The following UTS2B variants were observed in gnomAD, a reference collection of about 807,000 sequenced individuals.
UTS2B encodes urotensin-2B.
Under a neutral mutation model 19.2 loss-of-function variants are expected in UTS2B, and 21 were observed. The observed-to-expected ratio is 1.09, with a 90% CI of 0.78 to 1.58. UTS2B has a LOEUF of 1.58. Ranked by LOEUF, UTS2B falls within the 40% of genes most tolerant of loss-of-function variation. The pLI is 0.00. For missense variants in UTS2B, 138 were observed against 130.3 expected (o/e 1.06, Z -0.29); for synonymous variants, 57 against 50.2 (o/e 1.14, Z -0.58).
At chr3:191,308,177 C>T (rs1229429688) in intron 3 of UTS2B, among the ~76,000 whole-genome samples, 1 of 152,148 alleles carries the variant, frequency 6.6e-6, no homozygotes, top group African/African-American at 2.4e-5. Context: ...AATAGTTGGG[C>T]CTTTATCACA....
chr3:191,268,766 C>CAGTCTAG (rs1716010207), intron 8 of UTS2B, among the ~76,000 whole-genome samples: 1 of 152,160 alleles, frequency 6.6e-6, no homozygotes, highest in African/African-American at 2.4e-5. Flanking sequence ...ACATATAATA[C>CAGTCTAG]AGTCTAGAGA....
At chr3:191,300,375 T>A (rs1315574769) in intron 4 of UTS2B, among the ~76,000 whole-genome samples, 2 of 152,226 alleles carry the variant, frequency 1.3e-5, no homozygotes, top group African/African-American at 2.4e-5. Context: ...GGCCAATTTA[T>A]CCCTTTTGGA....
chr3:191,340,732 C>CAT, the UTS2B span, among the ~76,000 whole-genome samples: 1 of 152,194 alleles, frequency 6.6e-6, no homozygotes, highest in African/African-American at 2.4e-5. Flanking sequence ...GTATAGGAAA[C>CAT]ATATTCTCCC....
chr3:191,328,626 C>T lies in UTS2B; in HGVS notation c.-586+5G>A, dbSNP rs184641440. 14 of 152,344 alleles carry T rather than the reference C, an allele frequency of 9.2e-5. No homozygotes were observed. Among genetic ancestry groups the T allele is most frequent in the African/African-American group, 2.6e-4 (11 of 41,546 alleles). The allele number at this position is 152,344 out of a possible 1,614,324, so 9.4% of individuals were successfully genotyped here. A position where few individuals can be genotyped will look rare whatever the true frequency, so the allele number is the denominator to read the frequency against. On this transcript the variant is annotated splice_donor_5th_base_variant and intron_variant, in intron 2 of 8. Transcript: ENST00000340524. ...ACATGGCACACGTTTGGGAGAGAAG[C>T]TCACCTCTGAGGAGTGGGGAAAGAG...
intron 4 of UTS2B, among the ~76,000 whole-genome samples, chr3:191,289,427 T>TAAAC: frequency 7.0e-6 from 1 of 143,668 alleles, no homozygotes; most frequent in East Asian, 2.0e-4. Flanking sequence ...AATAAATAAA[T>TAAAC]AAATAAATAA....
chr3:191,329,942 TGGGGG>T (rs34226642), intron 1 of UTS2B, among the ~76,000 whole-genome samples: 1 of 102,958 alleles, frequency 9.7e-6, no homozygotes, highest in Middle Eastern at 4.8e-3. Context: ...AGGGGGTGGT[TGGGGG>T]GGGGGGGGGC....
chr3:191,282,783 T>C (rs1353821159), intron 4 of UTS2B, among the ~76,000 whole-genome samples: 1 of 152,192 alleles, frequency 6.6e-6, no homozygotes, highest in Non-Finnish European at 1.5e-5. Flanking sequence ...AAATGAATCA[T>C]AATGGGATCA....
chr3:191,310,923 G>T (rs1717285171), intron 3 of UTS2B, among the ~76,000 whole-genome samples: 1 of 152,044 alleles, frequency 6.6e-6, no homozygotes, highest in South Asian at 2.1e-4. Context: ...TTATCTTTAG[G>T]GTCAAGACGT....
chr3:191,300,072 C>A (rs1042977569), intron 4 of UTS2B, among the ~76,000 whole-genome samples: 1 of 151,090 alleles, frequency 6.6e-6, no homozygotes, highest in African/African-American at 2.4e-5. Flanking sequence ...TTCTTTGACA[C>A]GGAGTTTTCG....
At chr3:191,275,405 G>C in intron 7 of UTS2B, 60 bp from the exon 8 acceptor site, 2 of 1,421,486 alleles carry the variant, frequency 1.4e-6, no homozygotes, top group South Asian at 1.2e-5. Context: ...TGTTGACCGG[G>C]CGCGGTGGCT....
the UTS2B span, among the ~76,000 whole-genome samples, chr3:191,341,352 A>G: frequency 6.6e-6 from 1 of 152,140 alleles, no homozygotes. Flanking sequence ...AGTCCTCACA[A>G]CATTTATCCT....
chr3:191,345,054 G>T, the UTS2B span, among the ~76,000 whole-genome samples: 1 of 152,124 alleles, frequency 6.6e-6, no homozygotes. Flanking sequence ...AATTTGATGG[G>T]CACTCAGAAT....
chr3:191,276,924 T>C, intron 6 of UTS2B, 80 bp from the exon 7 acceptor site: 1 of 1,292,006 alleles, frequency 7.7e-7, no homozygotes, highest in Non-Finnish European at 1.1e-6. Flanking sequence ...ATTTAAGATC[T>C]TACGTAGAAA....
the UTS2B span, among the ~76,000 whole-genome samples, chr3:191,342,448 T>C: frequency 6.6e-6 from 1 of 152,142 alleles, no homozygotes; most frequent in Non-Finnish European, 1.5e-5. Context: ...TGGAAATATC[T>C]GACTCAAAGG....
chr3:191,326,157 GT>G (rs1173805499), intron 2 of UTS2B, among the ~76,000 whole-genome samples: 2 of 151,938 alleles, frequency 1.3e-5, no homozygotes, highest in African/African-American at 2.4e-5. Context: ...TGCCTATATT[GT>G]TTTTTTAACT....
At chr3:191,309,067 T>C (rs562863612) in intron 3 of UTS2B, among the ~76,000 whole-genome samples, 1 of 152,352 alleles carries the variant, frequency 6.6e-6, no homozygotes, top group East Asian at 1.9e-4. Context: ...GTTAATGTGC[T>C]TCAGTAACAA....
chr3:191,314,597 C>T (rs999754669), intron 3 of UTS2B, among the ~76,000 whole-genome samples: 13 of 152,070 alleles, frequency 8.5e-5, no homozygotes, highest in East Asian at 1.9e-4. Flanking sequence ...TGACAAGCAG[C>T]CCCTATGTAG....
At chr3:191,295,320 C>T (rs1344923298) in intron 4 of UTS2B, among the ~76,000 whole-genome samples, 1 of 151,974 alleles carries the variant, frequency 6.6e-6, no homozygotes, top group Non-Finnish European at 1.5e-5. Flanking sequence ...TGTCTGTCCT[C>T]ATTTTCCTGG....
At chr3:191,298,305 T>A (rs1252017735) in intron 4 of UTS2B, among the ~76,000 whole-genome samples, 3 of 152,206 alleles carry the variant, frequency 2.0e-5, no homozygotes, top group African/African-American at 7.2e-5. Context: ...TTATGTCAAA[T>A]TGTAATCCCC....
Sources: gnomAD v4.1 joint callset for allele counts (sites outside exome capture counted in the v4.1 genomes callset) on GRCh38, gnomAD v4.1.1 for gene constraint, MANE v1.5 for transcripts, NCBI Gene and HGNC (gene_info 2026-07-23, HGNC 2026-07-21) for gene names.